FAM193A: variants seen among roughly 807,000 people sequenced by gnomAD.
FAM193A encodes protein FAM193A.
Under a neutral mutation model 126.5 loss-of-function variants are expected in FAM193A, and 22 were observed. The observed-to-expected ratio is 0.17, with a 90% CI of 0.12 to 0.25. FAM193A has a LOEUF of 0.25. Among genes scored for constraint, FAM193A ranks in the 10% least tolerant of loss-of-function variants. The pLI is 1.00. For synonymous variants in FAM193A, 761 were observed against 646.8 expected (o/e 1.18, Z -2.68); for missense variants, 1,675 against 1,672.8 (o/e 1.00, Z -0.02).
In FAM193A at chr4:2,650,275, A is replaced by G. The variant is rs1265133694; in HGVS notation, c.1311+3443A>G. Among the ~76,000 whole-genome samples, 6 of 152,204 alleles carry G rather than the reference A, an allele frequency of 3.9e-5. No homozygotes were observed. In the East Asian group the frequency reaches 7.7e-4, roughly 20 times the overall value. On this transcript the variant is annotated intron_variant, in intron 7 of 20. Transcript: ENST00000637812. Reference sequence around the variant, plus strand: ...ATGAAATCGGTCCCTGGTCCTAAAAAGGTTGGGGACCACTGCTCTAGAGCA... The same window carrying G: ...ATGAAATCGGTCCCTGGTCCTAAAAGGGTTGGGGACCACTGCTCTAGAGCA...
At chr4:2,692,689 G>A (rs79480957) in intron 15 of FAM193A, among the ~76,000 whole-genome samples, 408 of 152,338 alleles carry the variant, frequency 2.7e-3, no homozygotes, top group African/African-American at 7.7e-3. Flanking sequence ...CTTGTGAAAA[G>A]AGAAAAGGGT....
chr4:2,567,536 T>G (rs2108852011), intron 1 of FAM193A, among the ~76,000 whole-genome samples: 1 of 152,336 alleles, frequency 6.6e-6, no homozygotes, highest in Admixed American at 6.5e-5. Flanking sequence ...ATAAGTTTTT[T>G]TGTCATGATT....
intron 8 of FAM193A, among the ~76,000 whole-genome samples, chr4:2,659,150 T>G (rs1484169791): frequency 6.6e-6 from 1 of 152,146 alleles, no homozygotes; most frequent in Non-Finnish European, 1.5e-5. Flanking sequence ...TCACCTTGTC[T>G]GTTAGAAGTT....
At chr4:2,630,572 C>T (rs1173623973) in intron 4 of FAM193A, among the ~76,000 whole-genome samples, 1 of 152,194 alleles carries the variant, frequency 6.6e-6, no homozygotes, top group Non-Finnish European at 1.5e-5. Context: ...GAAGTGGTAG[C>T]GTGCTCTTCC....
At chr4:2,675,375 G>A (rs1241255861) in intron 13 of FAM193A, among the ~76,000 whole-genome samples, 1 of 152,042 alleles carries the variant, frequency 6.6e-6, no homozygotes, top group Non-Finnish European at 1.5e-5. Flanking sequence ...TTGATTCATC[G>A]GTTTCTCCTT....
intron 17 of FAM193A, among the ~76,000 whole-genome samples, chr4:2,695,983 G>C (rs995157561): frequency 6.6e-6 from 1 of 151,946 alleles, no homozygotes; most frequent in African/African-American, 2.4e-5. Context: ...AGCTATGATC[G>C]CACCACTGCA....
At chr4:2,608,007 G>A (rs1484536355) in intron 2 of FAM193A, 5 of 1,596,416 alleles carry the variant, frequency 3.1e-6, no homozygotes, top group Non-Finnish European at 4.3e-6. Flanking sequence ...CCCTGCTGGG[G>A]TGTGAATGTG....
rs1467570987 is a variant in FAM193A, at chr4:2,659,563, C to G, written c.1395C>G (p.Thr465=). 1 of 1,611,750 alleles carries G rather than the reference C, an allele frequency of 6.2e-7. No homozygotes were observed. Among genetic ancestry groups the G allele is most frequent in the East Asian group, 2.2e-5 (1 of 44,874 alleles). Residue 465 remains threonine (T), a synonymous_variant, in exon 9 of 21, where the codon ACC becomes ACG. Transcript: ENST00000637812. ...CATTTTAAAATTTCCTCTAGTTAAC[C>G]AATAAGAAAGCAGTTACTGGCGAGA... ...KQRRFIEEQL[T]NKKAVTGENN... is the part of the protein sequence containing the mutation.
At chr4:2,676,424 T>A (rs561362147) in intron 13 of FAM193A, among the ~76,000 whole-genome samples, 7 of 152,372 alleles carry the variant, frequency 4.6e-5, no homozygotes, top group Admixed American at 1.3e-4. Flanking sequence ...TTTAGTGATG[T>A]TGGGCATCTT....
chr4:2,689,561 C>G lies in FAM193A; in HGVS notation c.2387C>G (p.Ala796Gly). 1 of 1,546,026 alleles carries G rather than the reference C, an allele frequency of 6.5e-7. No homozygotes were observed. The highest frequency in any genetic ancestry group is 8.6e-7 in the Non-Finnish European group (1 of 1,157,320). ...ACAAATAAGCATCAGGTATTCAATG[C>G]ATCTCTTCAAGACCATATTTATCCG... ...NHTNKHQVFN[A>G]SLQDHIYPSC... Residue 796 changes from alanine (A) to glycine (G), a missense_variant, in exon 14 of 21, where the codon GCA becomes GGA. Ala to Gly is a moderately conservative substitution (Grantham distance 60). Transcript: ENST00000637812.
intron 2 of FAM193A, among the ~76,000 whole-genome samples, chr4:2,596,859 G>A (rs1291082397): frequency 6.6e-6 from 1 of 152,162 alleles, no homozygotes. Flanking sequence ...TTGGGTTCTG[G>A]AAGGAGTTGG....
chr4:2,710,650 G>A (rs919420624), intron 19 of FAM193A, among the ~76,000 whole-genome samples: 2 of 151,712 alleles, frequency 1.3e-5, no homozygotes, highest in South Asian at 2.1e-4. Context: ...CCACAGGTGG[G>A]CACCACCACA....
chr4:2,710,680 G>T (rs1316784437), intron 19 of FAM193A, among the ~76,000 whole-genome samples: 2 of 151,234 alleles, frequency 1.3e-5, no homozygotes, highest in Non-Finnish European at 2.9e-5. Context: ...TTTTTTTGTA[G>T]TTTTTGTAGG....
intron 20 of FAM193A, among the ~76,000 whole-genome samples, chr4:2,717,024 G>A (rs909330311): frequency 1.3e-5 from 2 of 151,694 alleles, no homozygotes; most frequent in African/African-American, 4.8e-5. Flanking sequence ...CTGTCACCCA[G>A]GCTAGAGTGC....
chr4:2,608,717 A>G (rs1488638145), intron 2 of FAM193A, among the ~76,000 whole-genome samples: 1 of 152,070 alleles, frequency 6.6e-6, no homozygotes, highest in African/African-American at 2.4e-5. Flanking sequence ...AGAAATTCAG[A>G]GAAGAGAGGT....
intron 1 of FAM193A, among the ~76,000 whole-genome samples, chr4:2,549,404 T>TG (rs1737768427): frequency 7.1e-6 from 1 of 141,710 alleles, no homozygotes; most frequent in Non-Finnish European, 1.6e-5. Context: ...TCTTTTTTTT[T>TG]TTTTTTTTTT....
intron 6 of FAM193A, among the ~76,000 whole-genome samples, chr4:2,644,926 A>AT (rs1415992148): frequency 6.6e-6 from 1 of 152,142 alleles, no homozygotes; most frequent in East Asian, 1.9e-4. Flanking sequence ...TTTCTTATAC[A>AT]TTTTTTCCCT....
Position 2,700,229 on chromosome 4 carries a change from A to G in FAM193A, c.4057A>G (p.Arg1353Gly). The G allele has an allele frequency of 6.2e-7, 1 of 1,614,022 alleles. No individual in the cohort carries two copies. Among genetic ancestry groups the G allele is most frequent in the Non-Finnish European group, 8.5e-7 (1 of 1,180,018 alleles). Residue 1353 changes from arginine to glycine, a missense_variant, in exon 19 of 21, where the codon AGG becomes GGG. Physicochemically the swap from Arg to Gly is moderately radical, Grantham distance 125 (BLOSUM62 -2). Transcript: ENST00000637812. ...CAAGGCCAGCAGCGAGCCAGCGAGG[A>G]GGCCCACAGAGCCCCCCAAGGCCAC... Reference protein sequence around the residue: ...TSKASSEPARRPTEPPKATEG... With the variant: ...TSKASSEPARGPTEPPKATEG...
At chr4:2,582,990 C>T (rs113051486) in intron 1 of FAM193A, among the ~76,000 whole-genome samples, 39,647 of 151,982 alleles carry the variant, frequency 0.26, 5,670 homozygotes, top group Middle Eastern at 0.39. Flanking sequence ...TTTTTTGAGA[C>T]GGAGTTTTGC....
Sources: allele counts gnomAD v4.1 joint callset (sites outside exome capture counted in the v4.1 genomes callset), GRCh38; gene constraint gnomAD v4.1.1; transcripts MANE v1.5; gene names NCBI Gene and HGNC (gene_info 2026-07-23, HGNC 2026-07-21).